Variants in SLC12A7 observed in about 807,000 individuals in gnomAD.
SLC12A7 encodes the protein solute carrier family 12 member 7.
In SLC12A7, 100 loss-of-function variants were observed where a neutral mutation model predicts 120.6. That is an observed-to-expected ratio of 0.83 (90% CI 0.71 to 0.98). The LOEUF is 0.98. Ranked by LOEUF, SLC12A7 falls within the 50% of genes least tolerant of loss-of-function variation. The pLI, the probability that SLC12A7 is intolerant of heterozygous loss-of-function variation, is 0.00. For synonymous variants in SLC12A7, 760 were observed against 678.0 expected (o/e 1.12, Z -1.88); for missense variants, 1,373 against 1,548.1 (o/e 0.89, Z 1.90).
chr5:1,097,260 G>A lies in SLC12A7; in HGVS notation c.125-3012C>T, dbSNP rs190437044. On this transcript the variant is annotated intron_variant, in intron 1 of 23. Transcript: ENST00000264930. ...AAACGTGTACACAGCAAGCACATTC[G>A]CTCAAACCAAGGGGACCAACATCCT... 2.4e-3 allele frequency among the ~76,000 whole-genome samples: 358 copies of A among 152,212 alleles called. 2 individuals are homozygous for A. Among genetic ancestry groups the A allele is most frequent in the Admixed American group, 0.022 (330 of 15,300 alleles).
rs189104086 is a variant in SLC12A7 at position 1,077,272 on chromosome 5, T to G, written c.1630-460A>C. On this transcript the variant is annotated intron_variant, in intron 12 of 23. Coordinates refer to ENST00000264930, the MANE Select transcript of SLC12A7 (RefSeq NM_006598.3). ...TGCAACCACACAAAGGCCCTGCGGG[T>G]CGGCACCCTGCCGAGGGACCAGCGA... Among the ~76,000 whole-genome samples the G allele has an allele frequency of 1.6e-4, 25 of 152,100 alleles. No individual in the cohort carries two copies. In the East Asian group the frequency reaches 4.9e-3, roughly 30 times the overall value.
At chr5:1,053,658 G>A (rs1426081926) in intron 22 of SLC12A7, among the ~76,000 whole-genome samples, 176 bp from the exon 23 acceptor site, 1 of 152,220 alleles carries the variant, frequency 6.6e-6, no homozygotes, top group Non-Finnish European at 1.5e-5. Context: ...CGAGCGAAAG[G>A]CGCTGACTGC....
chr5:1,060,538 C>A, intron 20 of SLC12A7, 87 bp from the exon 21 acceptor site: 1 of 1,063,548 alleles, frequency 9.4e-7, no homozygotes, highest in Non-Finnish European at 1.4e-6. Flanking sequence ...GAGACCGAGC[C>A]GCCCTGAGCG....
Position 1,063,920 on chromosome 5 carries a change from C to G in SLC12A7, c.2663G>C (p.Ser888Thr), listed in dbSNP as rs1736618097. 6 of 1,612,584 alleles carry G rather than the reference C, an allele frequency of 3.7e-6. No individual in the cohort carries two copies. Among genetic ancestry groups the G allele is most frequent in the Non-Finnish European group, 5.1e-6 (6 of 1,179,832 alleles). Residue 888 changes from serine to threonine, a missense_variant, in exon 20 of 24, where the codon AGC becomes ACC. Transcript: ENST00000264930. Reference protein sequence around the residue: ...IFTVAQVDDNSIQMKKDLQMF... With the variant: ...IFTVAQVDDNTIQMKKDLQMF... ...CTGCAGGTCCTTCTTCATCTGGATG[C>G]TGTTGTCGTCCACCTGGGCCACGGT...
chr5:1,059,078 G>A (rs747562195), intron 21 of SLC12A7, among the ~76,000 whole-genome samples: 65 of 152,342 alleles, frequency 4.3e-4, no homozygotes, highest in Non-Finnish European at 7.8e-4. Flanking sequence ...CCCTTGTGAC[G>A]CCAGGGCGAC....
Position 1,079,767 on chromosome 5 carries a change from C to A in SLC12A7, c.1298-271G>T, listed in dbSNP as rs565746228. The stretch of plus-strand genomic sequence containing the variant: ...GTCACTGACCCCCACGCCCCCCACA[C>A]CCAGGGCTTCTCTGGAGCCTGTGTT... On this transcript the variant is annotated intron_variant, in intron 9 of 23. Transcript: ENST00000264930. Among the ~76,000 whole-genome samples, 5 of 152,306 alleles carry A rather than the reference C, an allele frequency of 3.3e-5. No individual in the cohort carries two copies. The South Asian group carries it at 1.0e-3, about 32-fold the overall frequency.
the SLC12A7 span, among the ~76,000 whole-genome samples, chr5:1,142,993 G>A: frequency 7.9e-5 from 12 of 151,910 alleles, no homozygotes; most frequent in East Asian, 1.4e-3. Flanking sequence ...TCATGGTAAC[G>A]GGGGCTGAGA....
At chr5:1,056,987 A>G (rs762212048) in intron 22 of SLC12A7, among the ~76,000 whole-genome samples, 1 of 152,204 alleles carries the variant, frequency 6.6e-6, no homozygotes, top group African/African-American at 2.4e-5. Flanking sequence ...CCTCGCCTCC[A>G]TGGAACAGAC....
chr5:1,087,614 C>T (rs1216028272), intron 5 of SLC12A7, among the ~76,000 whole-genome samples: 2 of 152,198 alleles, frequency 1.3e-5, no homozygotes, highest in Non-Finnish European at 2.9e-5. Flanking sequence ...TGAAGGCCCT[C>T]GTGCTCTCCT....
rs917213674 is a variant in SLC12A7 at position 1,110,130 on chromosome 5, C to T, written c.124+1738G>A. 5.3e-5 allele frequency among the ~76,000 whole-genome samples: 8 copies of T among 152,256 alleles called. No homozygotes were observed. In the South Asian group the frequency reaches 8.3e-4, roughly 16 times the overall value. On this transcript the variant is annotated intron_variant, in intron 1 of 23. Coordinates refer to ENST00000264930, the MANE Select transcript of SLC12A7 (RefSeq NM_006598.3). Reference sequence around the variant, plus strand: ...GGATTCCGAAGGGCAGCTGCGTGCCCGTTACAGCCTGGCAGTGGCTGGGCA... The same window carrying T: ...GGATTCCGAAGGGCAGCTGCGTGCCTGTTACAGCCTGGCAGTGGCTGGGCA...
intron 1 of SLC12A7, among the ~76,000 whole-genome samples, chr5:1,111,288 G>A (rs927018733): frequency 6.6e-6 from 1 of 152,256 alleles, no homozygotes; most frequent in South Asian, 2.1e-4. Context: ...TTCCCGGAAC[G>A]GGGGACGGGA....
intron 16 of SLC12A7, 34 bp downstream of exon 16, chr5:1,074,533 C>T (rs377253017): frequency 7.0e-6 from 11 of 1,572,440 alleles, no homozygotes; most frequent in East Asian, 4.5e-5. Context: ...CTCTTCTGTG[C>T]GTCTGAGGAC....
chr5:1,093,333 G>T (rs1260382243), intron 3 of SLC12A7, among the ~76,000 whole-genome samples, 200 bp downstream of exon 3: 1 of 152,194 alleles, frequency 6.6e-6, no homozygotes, highest in Non-Finnish European at 1.5e-5. Flanking sequence ...CGCTTCCCCG[G>T]ACGGTGGAGA....
chr5:1,102,963 G>A (rs1326434558), intron 1 of SLC12A7, among the ~76,000 whole-genome samples: 3 of 152,142 alleles, frequency 2.0e-5, no homozygotes, highest in Non-Finnish European at 1.5e-5. Context: ...CTGGAGGCTG[G>A]GCTCCCTGTG....
intron 1 of SLC12A7, among the ~76,000 whole-genome samples, chr5:1,101,795 C>T (rs11744413): frequency 0.01 from 1,522 of 151,532 alleles, 14 homozygotes; most frequent in Middle Eastern, 0.024. Context: ...CTCCACCCCC[C>T]GACACTAAGC....
At chr5:1,116,746 G>A (rs1266528285), upstream of SLC12A7, among the ~76,000 whole-genome samples, 1 of 152,158 alleles carries the variant, frequency 6.6e-6, no homozygotes, top group African/African-American at 2.4e-5. Flanking sequence ...CAGACACAGG[G>A]AAGGTTCGCA....
intron 17 of SLC12A7, among the ~76,000 whole-genome samples, chr5:1,073,295 T>C (rs1415724361): frequency 6.8e-6 from 1 of 148,040 alleles, no homozygotes; most frequent in Non-Finnish European, 1.5e-5. Flanking sequence ...GCATCACACT[T>C]ATGCAGCCCC....
At chr5:1,069,100 C>G (rs1311163955) in intron 17 of SLC12A7, among the ~76,000 whole-genome samples, 1 of 152,254 alleles carries the variant, frequency 6.6e-6, no homozygotes, top group Non-Finnish European at 1.5e-5. Flanking sequence ...AACGCCTGAA[C>G]CCGTGGTGAG....
intron 18 of SLC12A7, among the ~76,000 whole-genome samples, chr5:1,064,763 AGGGACAGCAAGGGGACGGTGAG>A (rs1736757750): frequency 1.2e-5 from 1 of 83,496 alleles, no homozygotes; most frequent in Admixed American, 1.2e-4. Flanking sequence ...GAGACGGTGA[AGGGACAGCAAGGGGACGGTGAG>A]GGGACAGCGA....
Sources: allele counts gnomAD v4.1 joint callset (sites outside exome capture counted in the v4.1 genomes callset), GRCh38; gene constraint gnomAD v4.1.1; transcripts MANE v1.5; gene names NCBI Gene and HGNC (gene_info 2026-07-23, HGNC 2026-07-21).